RBFOX3: variants seen among roughly 807,000 people sequenced by gnomAD.
RBFOX3 encodes RNA binding fox-1 homolog 3.
Under a neutral mutation model 48.7 loss-of-function variants are expected in RBFOX3, and 17 were observed. The observed-to-expected ratio is 0.35, with a 90% confidence interval of 0.24 to 0.52. The LOEUF is 0.52. Ranked by LOEUF, RBFOX3 falls within the 20% of genes least tolerant of loss-of-function variation. The pLI is 0.94. For synonymous variants in RBFOX3, 212 were observed against 209.5 expected (o/e 1.01, Z -0.10); for missense variants, 382 against 497.5 (o/e 0.77, Z 2.21).
rs1485671000 is a variant in RBFOX3, at chr17:79,572,390, G to A, written c.-320+38436C>T. On this transcript the variant is annotated intron_variant, in intron 1 of 14. Coordinates refer to ENST00000693108, the MANE Select transcript of RBFOX3 (RefSeq NM_001350451.2). Reference sequence around the variant, plus strand: ...TCCCTGTGTCCAGGAGCTCATTGTGGCCCCAGTGCCTAACACCCAGCAGGT... The same window carrying A: ...TCCCTGTGTCCAGGAGCTCATTGTGACCCCAGTGCCTAACACCCAGCAGGT... 6.6e-5 allele frequency among the ~76,000 whole-genome samples: 10 copies of A among 152,272 alleles called. No individual in the cohort carries two copies. In the East Asian group the frequency reaches 1.9e-3, roughly 29 times the overall value.
chr17:79,327,676 C>T (rs2079543439), intron 2 of RBFOX3, among the ~76,000 whole-genome samples: 1 of 152,224 alleles, frequency 6.6e-6, no homozygotes, highest in African/African-American at 2.4e-5. Context: ...TTTTGCCAAG[C>T]CTGCTATAGT....
At chr17:79,318,800 A>T (rs1288418255) in intron 2 of RBFOX3, among the ~76,000 whole-genome samples, 9 of 136,128 alleles carry the variant, frequency 6.6e-5, no homozygotes, top group African/African-American at 2.5e-4. Context: ...GTTTGCAGTG[A>T]GCCGAGATTG....
intron 1 of RBFOX3, among the ~76,000 whole-genome samples, chr17:79,512,329 G>A (rs1368225390): frequency 6.0e-3 from 312 of 52,064 alleles, no homozygotes; most frequent in Admixed American, 8.9e-3. Flanking sequence ...ACCCGGATAC[G>A]TGTTACCATC....
At position 79,214,463 on chromosome 17, in the gene RBFOX3, G is replaced by A. The variant is rs1307454723; in HGVS notation, c.-34+21303C>T. 2.0e-5 allele frequency among the ~76,000 whole-genome samples: 3 copies of A among 152,088 alleles called. No individual in the cohort carries two copies. The highest frequency in any genetic ancestry group is 1.3e-4 in the Admixed American group (2 of 15,276). Reference sequence around the variant, plus strand: ...GATGCAAAGCCCTTTGGATCAGTGTGACTGGGAGGACGCTGCTGCCCACCC... The same window carrying A: ...GATGCAAAGCCCTTTGGATCAGTGTAACTGGGAGGACGCTGCTGCCCACCC... On this transcript the variant is annotated intron_variant, in intron 4 of 14. Coordinates refer to ENST00000693108, the MANE Select transcript of RBFOX3 (RefSeq NM_001350451.2). The surrounding 1 kb of genome is among the most constrained non-coding windows in gnomAD (Gnocchi z 4.7).
At chr17:79,603,207 G>A (rs1282977986) in intron 1 of RBFOX3, among the ~76,000 whole-genome samples, 3 of 152,124 alleles carry the variant, frequency 2.0e-5, no homozygotes, top group Non-Finnish European at 2.9e-5. Context: ...GACCAGGCTG[G>A]TGTTGAGCTC....
intron 2 of RBFOX3, among the ~76,000 whole-genome samples, chr17:79,328,659 C>G (rs1365369023): frequency 1.3e-5 from 2 of 152,192 alleles, no homozygotes; most frequent in Non-Finnish European, 2.9e-5. Context: ...TGACAAGACC[C>G]TCATGTTCCC....
intron 4 of RBFOX3, among the ~76,000 whole-genome samples, chr17:79,122,121 CCA>C (rs1223640015): frequency 6.6e-6 from 1 of 152,006 alleles, no homozygotes; most frequent in Admixed American, 6.5e-5. Flanking sequence ...GGCCCACACA[CCA>C]CAAACAGTCC....
chr17:79,172,707 G>A lies in RBFOX3; in HGVS notation c.-33-56959C>T, dbSNP rs551174640. ...TAACCAGGAGACCCATATGACTATG[G>A]GTCCTGGAAACGTGGCTTGTCTCAA... On this transcript the variant is annotated intron_variant, in intron 4 of 14. Coordinates refer to ENST00000693108, the MANE Select transcript of RBFOX3 (RefSeq NM_001350451.2). Among the ~76,000 whole-genome samples the A allele has an allele frequency of 4.6e-5, 7 of 152,242 alleles. No individual in the cohort carries two copies. In the East Asian group the frequency reaches 1.3e-3, roughly 29 times the overall value.
chr17:79,248,616 G>T (rs1331973440), intron 3 of RBFOX3, among the ~76,000 whole-genome samples: 1 of 152,228 alleles, frequency 6.6e-6, no homozygotes, highest in Non-Finnish European at 1.5e-5. Flanking sequence ...TAGCTCCCAT[G>T]GGCAACTGTG....
At chr17:79,434,465 G>T (rs1448918114) in intron 2 of RBFOX3, among the ~76,000 whole-genome samples, 1 of 152,224 alleles carries the variant, frequency 6.6e-6, no homozygotes, top group Non-Finnish European at 1.5e-5. Context: ...AGGAGGAGGA[G>T]TCTGGAAGTG....
At position 79,283,520 on chromosome 17, in the gene RBFOX3, CGG is replaced by C. The variant is rs1555646677; in HGVS notation, c.-74+24202_-74+24203del. On this transcript the variant is annotated intron_variant, in intron 3 of 14. Transcript: ENST00000693108. Reference sequence around the variant, plus strand: ...CTGACCTCAAGTGATCTGCCCGCCTCGGCCTCCCAAAGTGCTGGGATTACAGG... The same window carrying C: ...CTGACCTCAAGTGATCTGCCCGCCTCCCTCCCAAAGTGCTGGGATTACAGG... 6.9e-3 allele frequency among the ~76,000 whole-genome samples: 1,057 copies of C among 152,266 alleles called. 7 individuals are homozygous for C. Among genetic ancestry groups the C allele is most frequent in the African/African-American group, 0.024 (988 of 41,544 alleles).
At chr17:79,248,058 G>A (rs2063413730) in intron 3 of RBFOX3, among the ~76,000 whole-genome samples, 2 of 152,254 alleles carry the variant, frequency 1.3e-5, no homozygotes, top group Admixed American at 1.3e-4. Context: ...CAGGGCTGCA[G>A]TGAGCTCCGG....
chr17:79,484,923 G>C (rs911455606), intron 1 of RBFOX3, among the ~76,000 whole-genome samples: 1 of 152,196 alleles, frequency 6.6e-6, no homozygotes, highest in South Asian at 2.1e-4. Flanking sequence ...AGTCTCCCCT[G>C]GTCCCCTTGG....
rs1018208457 is a variant in RBFOX3 at position 79,564,876 on chromosome 17, C to T, written c.-320+45950G>A. Among the ~76,000 whole-genome samples, 144 of 152,028 alleles carry T rather than the reference C, an allele frequency of 9.5e-4. 1 individual carries two copies. The highest frequency in any genetic ancestry group is 3.4e-3 in the African/African-American group (140 of 41,458). ...CCAATATGGTGAAACCCCATCTTTACTAAAAAATACAAAAATTAGCCGGGC... is the reference window on the plus strand; with the variant it reads ...CCAATATGGTGAAACCCCATCTTTATTAAAAAATACAAAAATTAGCCGGGC... On this transcript the variant is annotated intron_variant, in intron 1 of 14. Transcript: ENST00000693108.
intron 2 of RBFOX3, among the ~76,000 whole-genome samples, chr17:79,341,512 AGTGGCGG>A (rs1233107707): frequency 3.3e-5 from 5 of 152,162 alleles, no homozygotes; most frequent in African/African-American, 1.2e-4. Context: ...ATTACAGCAC[AGTGGCGG>A]GTGTTGGAAG....
chr17:79,365,158 CAT>C (rs1346699088), intron 2 of RBFOX3, among the ~76,000 whole-genome samples: 1 of 152,168 alleles, frequency 6.6e-6, no homozygotes. Flanking sequence ...CTCTCATGCA[CAT>C]GCACACGGTA....
chr17:79,155,558 G>A (rs758703466), intron 4 of RBFOX3, among the ~76,000 whole-genome samples: 1 of 152,250 alleles, frequency 6.6e-6, no homozygotes, highest in Non-Finnish European at 1.5e-5. Flanking sequence ...CTGTACGGCA[G>A]AGGTGGTGCA....
At chr17:79,424,999 A>C (rs1366052225) in intron 2 of RBFOX3, among the ~76,000 whole-genome samples, 1 of 152,064 alleles carries the variant, frequency 6.6e-6, no homozygotes. Context: ...TTGCTGTTTA[A>C]CATGTATCAG....
At chr17:79,109,051 C>T (rs756724405) in intron 5 of RBFOX3, among the ~76,000 whole-genome samples, 13 of 152,258 alleles carry the variant, frequency 8.5e-5, no homozygotes, top group Non-Finnish European at 1.8e-4. Context: ...TCAGCAGACG[C>T]GCCATGTGGT....
Sources: allele counts gnomAD v4.1 joint callset (sites outside exome capture counted in the v4.1 genomes callset), GRCh38; gene constraint gnomAD v4.1.1; non-coding constraint Gnocchi (gnomAD v3.1); transcripts MANE v1.5; gene names NCBI Gene and HGNC (gene_info 2026-07-23, HGNC 2026-07-21).